DLEC1: variants seen among roughly 807,000 people sequenced by gnomAD.
DLEC1 encodes the protein DLEC1 cilia and flagella associated protein.
DLEC1 carries 146 observed loss-of-function variants against 198.1 expected under a neutral mutation model. That is an observed-to-expected ratio of 0.74 (90% CI 0.64 to 0.85). The LOEUF (loss-of-function observed/expected upper bound fraction) is 0.85, where lower values mean the gene tolerates loss of function less well. Among genes scored for constraint, DLEC1 ranks in the 40% least tolerant of loss-of-function variants. DLEC1 has a pLI of 0.00. For missense variants in DLEC1, 2,233 were observed against 2,220.0 expected, an observed-to-expected ratio of 1.01 and a Z score of -0.12; for synonymous variants, 897 against 866.8, an observed-to-expected ratio of 1.03 and a Z score of -0.61.
At chr3:38,068,511 G>C (rs751756092) in intron 6 of DLEC1, among the ~76,000 whole-genome samples, 1 of 152,246 alleles carries the variant, frequency 6.6e-6, no homozygotes, top group Non-Finnish European at 1.5e-5. Flanking sequence ...GATTACAGGC[G>C]TGAGCCAGTG....
chr3:38,075,879 T>C (rs1439960194), intron 6 of DLEC1, among the ~76,000 whole-genome samples: 1 of 150,552 alleles, frequency 6.6e-6, no homozygotes, highest in Non-Finnish European at 1.5e-5. Flanking sequence ...AGAGAAGGGG[T>C]TGGGGTACTT....
chr3:38,122,143 C>T lies in DLEC1; in HGVS notation c.5093C>T (p.Ser1698Phe), dbSNP rs373584843. ...AACAGTGGGCTGCTAGAAGCACGAT[C>T]CGCCAATGCACCCCCAACCTCCATC... ...SPNSGLLEAR[S>F]ANAPPTSIAL... The change falls in exon 36 of 37, where the codon TCC becomes TTC. Residue 1698 changes from serine to phenylalanine, a missense_variant. By Grantham distance (155) the Ser-to-Phe change is radical. Coordinates refer to ENST00000308059, the MANE Select transcript of DLEC1 (RefSeq NM_007335.4). 1 of 1,614,028 alleles carries T rather than the reference C, an allele frequency of 6.2e-7. No individual in the cohort carries two copies. The highest frequency in any genetic ancestry group is 1.3e-5 in the African/African-American group (1 of 74,926).
At chr3:38,082,156 TGGGGCGGC>T (rs1439051165) in intron 6 of DLEC1, among the ~76,000 whole-genome samples, 1 of 134,424 alleles carries the variant, frequency 7.4e-6, no homozygotes, top group Non-Finnish European at 1.6e-5. Flanking sequence ...ACATCCCAGA[TGGGGCGGC>T]GGGGCAGAGG....
At chr3:38,120,706 G>A in intron 34 of DLEC1, 97 bp downstream of exon 34, 3 of 1,503,772 alleles carry the variant, frequency 2.0e-6, no homozygotes, top group Non-Finnish European at 1.8e-6. Flanking sequence ...AGGGCCCTCA[G>A]AAATAAGGAG....
intron 6 of DLEC1, among the ~76,000 whole-genome samples, chr3:38,082,965 C>T (rs763110140): frequency 2.0e-5 from 3 of 152,188 alleles, no homozygotes; most frequent in East Asian, 1.9e-4. Flanking sequence ...ACAAATAAAA[C>T]GTGTCTCCTT....
At chr3:38,079,049 G>A (rs1474696640) in intron 6 of DLEC1, among the ~76,000 whole-genome samples, 1 of 152,138 alleles carries the variant, frequency 6.6e-6, no homozygotes, top group Non-Finnish European at 1.5e-5. Context: ...GGGTGATTAG[G>A]TTTTAATGAG....
intron 2 of DLEC1, 109 bp downstream of exon 2, chr3:38,045,802 A>G: frequency 8.6e-7 from 1 of 1,157,130 alleles, no homozygotes; most frequent in Non-Finnish European, 1.2e-6. Context: ...TTTGGAGAGC[A>G]AGTCGCAGAC....
chr3:38,116,653 T>C lies in DLEC1; in HGVS notation c.4057T>C (p.Ser1353Pro). The C allele has an allele frequency of 6.2e-7, 1 of 1,614,024 alleles. No individual in the cohort carries two copies. Among genetic ancestry groups the C allele is most frequent in the East Asian group, 2.2e-5 (1 of 44,870 alleles). Residue 1353 changes from serine (S) to proline (P), a missense_variant, in exon 28 of 37, where the codon TCA becomes CCA. Transcript: ENST00000308059. Reference protein sequence around the residue: ...SSSEFSHETDSSVEGSSSASN... With the variant: ...SSSEFSHETDPSVEGSSSASN... ...ATCGGAATTCAGCCATGAAACTGAC[T>C]CATCAGTGAGCAGGGGTGGAGGGGC...
At chr3:38,065,386 G>A (rs946325292) in intron 6 of DLEC1, among the ~76,000 whole-genome samples, 2 of 148,852 alleles carry the variant, frequency 1.3e-5, no homozygotes, top group African/African-American at 2.6e-5. Context: ...GAGAGGGAGA[G>A]GGAGGAGAGG....
At chr3:38,074,716 T>C (rs942689223) in intron 6 of DLEC1, among the ~76,000 whole-genome samples, 8 of 152,120 alleles carry the variant, frequency 5.3e-5, no homozygotes, top group African/African-American at 1.9e-4. Flanking sequence ...GAGATTGGGC[T>C]AGAGAAAAAA....
intron 2 of DLEC1, among the ~76,000 whole-genome samples, chr3:38,046,053 CTG>C (rs1700872783): frequency 6.6e-6 from 1 of 152,158 alleles, no homozygotes; most frequent in South Asian, 2.1e-4. Flanking sequence ...CCATTGTAAA[CTG>C]TGTGCATATT....
Position 38,092,881 on chromosome 3 carries a change from G to T in DLEC1, c.1756+1G>T. The T allele has an allele frequency of 6.2e-7, 1 of 1,614,130 alleles. No individual in the cohort carries two copies. The highest frequency in any genetic ancestry group is 8.5e-7 in the Non-Finnish European group (1 of 1,179,998). On this transcript the variant is annotated splice_donor_variant, in intron 11 of 36. Coordinates refer to ENST00000308059, the MANE Select transcript of DLEC1 (RefSeq NM_007335.4). LOFTEE classifies it high-confidence loss of function. Reference sequence around the variant, plus strand: ...CAGATAAAGGAGCTGGTGACCATAGGTGGGCTTGAGTGTACTCCCAGGGGC... The same window carrying T: ...CAGATAAAGGAGCTGGTGACCATAGTTGGGCTTGAGTGTACTCCCAGGGGC...
intron 6 of DLEC1, among the ~76,000 whole-genome samples, chr3:38,080,847 T>G (rs1697946797): frequency 7.0e-6 from 1 of 142,952 alleles, no homozygotes; most frequent in East Asian, 2.0e-4. Context: ...TGATAATTCT[T>G]GGGTGTTTCT....
rs7625806 is a variant in DLEC1, at chr3:38,039,461, T to G, written c.236T>G (p.Leu79Arg). The change falls in exon 1 of 37, where the codon CTG becomes CGG. Residue 79 changes from leucine (L) to arginine (R), a missense_variant. Leu to Arg is a moderately radical substitution (Grantham distance 102, BLOSUM62 -2). Coordinates refer to ENST00000308059, the MANE Select transcript of DLEC1 (RefSeq NM_007335.4). The part of the protein sequence containing the change: ...LALAQRPEPQ[L>R]LRLRPSSLRT... Reference sequence around the variant, plus strand: ...CTGGCGCAGCGTCCCGAGCCTCAGCTGCTTCGTCTGCGCCCCTCCTCGCTG... The same window carrying G: ...CTGGCGCAGCGTCCCGAGCCTCAGCGGCTTCGTCTGCGCCCCTCCTCGCTG... The G allele has an allele frequency of 0.36, 583,418 of 1,613,814 alleles. 109,045 individuals are homozygous for G. The highest frequency in any genetic ancestry group is 0.55 in the African/African-American group (41,437 of 75,026).
At chr3:38,079,092 G>A (rs1336535321) in intron 6 of DLEC1, among the ~76,000 whole-genome samples, 1 of 152,134 alleles carries the variant, frequency 6.6e-6, no homozygotes, top group Non-Finnish European at 1.5e-5. Flanking sequence ...TCGCCAAGGA[G>A]GGAGTAGAGG....
At chr3:38,076,099 A>G (rs928954456) in intron 6 of DLEC1, among the ~76,000 whole-genome samples, 1 of 152,206 alleles carries the variant, frequency 6.6e-6, no homozygotes, top group Admixed American at 6.5e-5. Flanking sequence ...TGTCTCTACC[A>G]GAAAATGAAA....
intron 2 of DLEC1, among the ~76,000 whole-genome samples, chr3:38,056,116 C>CACACACACACAA (rs1447856110): frequency 1.8e-5 from 2 of 110,822 alleles, no homozygotes; most frequent in African/African-American, 8.4e-5. Context: ...CACACACACA[C>CACACACACACAA]AAATAGCTGA....
intron 6 of DLEC1, among the ~76,000 whole-genome samples, chr3:38,070,079 C>T (rs1046234453): frequency 2.6e-5 from 4 of 151,962 alleles, no homozygotes; most frequent in Admixed American, 2.6e-4. Context: ...AAGATGTGTA[C>T]CTGTATTGAT....
intron 1 of DLEC1, among the ~76,000 whole-genome samples, chr3:38,043,913 A>C (rs1700767155): frequency 6.6e-6 from 1 of 152,032 alleles, no homozygotes; most frequent in African/African-American, 2.4e-5. Flanking sequence ...GATCCCACCA[A>C]CTTTAGGAAT....
Sources: gnomAD v4.1 joint callset for allele counts (sites outside exome capture counted in the v4.1 genomes callset) on GRCh38, gnomAD v4.1.1 for gene constraint, MANE v1.5 for transcripts, NCBI Gene and HGNC (gene_info 2026-07-23, HGNC 2026-07-21) for gene names.